The following ALG9 variants were observed in gnomAD, a reference collection of about 807,000 sequenced individuals.
ALG9 encodes the protein ALG9 alpha-1,2-mannosyltransferase.
Under a neutral mutation model 81.8 loss-of-function variants are expected in ALG9, and 55 were observed. The observed-to-expected ratio is 0.67, with a 90% CI of 0.54 to 0.84. The LOEUF is 0.84. Ranked by LOEUF, ALG9 falls within the 40% of genes least tolerant of loss-of-function variation. The pLI, the probability that ALG9 is intolerant of heterozygous loss-of-function variation, is 0.00. For missense variants in ALG9, 629 were observed against 745.0 expected, an observed-to-expected ratio of 0.84 and a Z score of 1.81; for synonymous variants, 278 against 274.3, an observed-to-expected ratio of 1.01 and a Z score of -0.13.
intron 14 of ALG9, among the ~76,000 whole-genome samples, chr11:111,794,604 T>C (rs1297918967): frequency 3.3e-5 from 5 of 152,032 alleles, no homozygotes; most frequent in African/African-American, 4.8e-5. Flanking sequence ...CCTGTCTTCC[T>C]TCTCCTCTCT....
chr11:111,868,580 T>C, intron 3 of ALG9, 22 bp downstream of exon 3: 3 of 1,611,770 alleles, frequency 1.9e-6, no homozygotes, highest in Non-Finnish European at 2.5e-6. Flanking sequence ...TTGTGATTGC[T>C]TCCAGGTTGG....
At chr11:111,818,047 G>A (rs1398738887) in intron 13 of ALG9, among the ~76,000 whole-genome samples, 1 of 152,130 alleles carries the variant, frequency 6.6e-6, no homozygotes, top group Non-Finnish European at 1.5e-5. Flanking sequence ...CCAAAGTGCT[G>A]GGATTTCAGG....
chr11:111,826,897 G>A (rs1391631512), intron 13 of ALG9, among the ~76,000 whole-genome samples: 11 of 151,780 alleles, frequency 7.2e-5, no homozygotes, highest in Admixed American at 7.2e-4. Context: ...CTTTGTTTTT[G>A]ATTTGTTTTG....
intron 14 of ALG9, chr11:111,788,444 A>C: frequency 2.2e-6 from 1 of 454,072 alleles, no homozygotes; most frequent in Non-Finnish European, 4.4e-6. Context: ...CACCTACCCC[A>C]GTCAAGGAGA....
chr11:111,836,427 A>G, intron 12 of ALG9, 133 bp from the exon 13 acceptor site: 1 of 1,159,730 alleles, frequency 8.6e-7, no homozygotes, highest in Non-Finnish European at 1.2e-6. Context: ...TAAAACCTCA[A>G]CCAGGGAGCA....
Position 111,844,629 on chromosome 11 carries a change from A to C in ALG9, c.990T>G (p.Leu330=). Residue 330 remains leucine, a synonymous_variant, in exon 9 of 15, where the codon CTT becomes CTG. Coordinates refer to ENST00000616540, the MANE Select transcript of ALG9 (RefSeq NM_024740.2). ...LALLVLPLTS[L]MEYLLQRFHV... ...GAAATCTCTGCAGCAGGTATTCCAT[A>C]AGAGAAGTCAGTGGTAGGACTAGGA... 6.2e-7 allele frequency: 1 copy of C among 1,614,142 alleles called. No individual in the cohort carries two copies. The highest frequency in any genetic ancestry group is 2.2e-5 in the East Asian group (1 of 44,872).
In ALG9 at chr11:111,871,521, G is replaced by C. The variant is rs1555159198; in HGVS notation, c.-39C>G. ...AAAAAAGAATTCGGCACCCTATGAA[G>C]TCGGTGAGCGCGCAGACATAGCTTT... is the stretch of plus-strand genomic sequence containing the variant. On this transcript the variant is annotated 5_prime_UTR_variant, in exon 1 of 15. Coordinates refer to ENST00000616540, the MANE Select transcript of ALG9 (RefSeq NM_024740.2). 2.6e-6 allele frequency: 4 copies of C among 1,535,462 alleles called. No individual in the cohort carries two copies. In the South Asian group the frequency reaches 3.6e-5, roughly 14 times the overall value.
intron 4 of ALG9, among the ~76,000 whole-genome samples, chr11:111,861,222 T>C (rs1002451586): frequency 2.6e-5 from 4 of 152,232 alleles, no homozygotes; most frequent in Non-Finnish European, 5.9e-5. Context: ...AATTCTTTCT[T>C]GTAGGTGTGA....
chr11:111,794,687 C>G (rs146531103), intron 14 of ALG9, among the ~76,000 whole-genome samples: 12 of 152,188 alleles, frequency 7.9e-5, no homozygotes, highest in African/African-American at 2.9e-4. Context: ...CATCCATCCA[C>G]CCATCCATCC....
rs1160973967 is a variant in ALG9 at position 111,853,691 on chromosome 11, C to T, written c.747G>A (p.Lys249=). ...FDLLVMKHRW[K]SFFHWSLMAL... is the part of the protein sequence containing the mutation. The stretch of plus-strand genomic sequence containing the variant: ...CCATCAGCGACCAATGAAAGAAACT[C>T]TTCCACCTGTGTTTCATGACCAGCA... Residue 249 remains lysine, a synonymous_variant, in exon 7 of 15, where the codon AAG becomes AAA. Coordinates refer to ENST00000616540, the MANE Select transcript of ALG9 (RefSeq NM_024740.2). 1 of 1,614,072 alleles carries T rather than the reference C, an allele frequency of 6.2e-7. No homozygotes were observed. The highest frequency in any genetic ancestry group is 8.5e-7 in the Non-Finnish European group (1 of 1,180,028).
At chr11:111,811,253 A>G (rs1950663939) in intron 13 of ALG9, among the ~76,000 whole-genome samples, 1 of 152,144 alleles carries the variant, frequency 6.6e-6, no homozygotes, top group Non-Finnish European at 1.5e-5. Flanking sequence ...AAAGTATAGA[A>G]TCTTATTGGC....
At chr11:111,869,629 T>C (rs189337304) in intron 2 of ALG9, among the ~76,000 whole-genome samples, 191 of 152,304 alleles carry the variant, frequency 1.3e-3, no homozygotes, top group African/African-American at 4.5e-3. Flanking sequence ...CACCTTTGTG[T>C]AAACCAGCTA....
intron 14 of ALG9, among the ~76,000 whole-genome samples, chr11:111,793,915 C>T (rs111779385): frequency 8.5e-4 from 130 of 152,300 alleles, no homozygotes; most frequent in African/African-American, 3.0e-3. Flanking sequence ...AAGTGAAATG[C>T]CAAAGTACTG....
downstream of ALG9, among the ~76,000 whole-genome samples, chr11:111,777,907 C>T (rs1035777568): frequency 6.6e-6 from 1 of 152,190 alleles, no homozygotes. Context: ...CATTTCACGT[C>T]ATTTCTCCCC....
intron 8 of ALG9, 50 bp downstream of exon 8, chr11:111,853,330 G>T: frequency 7.7e-7 from 1 of 1,298,534 alleles, no homozygotes; most frequent in South Asian, 1.2e-5. Context: ...CTGAAGTTCA[G>T]GCAAATTAAG....
chr11:111,846,329 CCTTT>C (rs1956942606), intron 8 of ALG9, among the ~76,000 whole-genome samples: 1 of 152,104 alleles, frequency 6.6e-6, no homozygotes, highest in South Asian at 2.1e-4. Context: ...AAGGGGTTAT[CCTTT>C]CTATTATCTA....
At position 111,824,216 on chromosome 11, in the gene ALG9, C is replaced by T. The variant is rs75715472; in HGVS notation, c.1602+11949G>A. On this transcript the variant is annotated intron_variant, in intron 13 of 14. Coordinates refer to ENST00000616540, the MANE Select transcript of ALG9 (RefSeq NM_024740.2). ...ATATTTTAAGAATGCATCTATGATACAGAATGAAATTCACTAGTATTTATG... is the reference window on the plus strand; with the variant it reads ...ATATTTTAAGAATGCATCTATGATATAGAATGAAATTCACTAGTATTTATG... Among the ~76,000 whole-genome samples the T allele has an allele frequency of 4.4e-4, 67 of 152,232 alleles. No individual in the cohort carries two copies. The East Asian group carries it at 0.011, about 25-fold the overall frequency.
intron 13 of ALG9, chr11:111,829,205 T>C (rs1555111464): frequency 6.6e-6 from 1 of 152,238 alleles, no homozygotes; most frequent in Non-Finnish European, 1.5e-5. Flanking sequence ...AGCCCATTTT[T>C]TTTGTTTCTT....
intron 13 of ALG9, 100 bp from the exon 14 acceptor site, chr11:111,809,873 G>C: frequency 7.4e-7 from 1 of 1,354,092 alleles, no homozygotes. Flanking sequence ...AGCTTTGGAG[G>C]AACAAACATC....
Sources: allele counts gnomAD v4.1 joint callset (sites outside exome capture counted in the v4.1 genomes callset), GRCh38; gene constraint gnomAD v4.1.1; transcripts MANE v1.5; gene names NCBI Gene and HGNC (gene_info 2026-07-23, HGNC 2026-07-21).